The following RPS27L variants were observed in gnomAD, a reference collection of about 807,000 sequenced individuals.
RPS27L encodes ribosomal protein S27 like.
Under a neutral mutation model 12.8 loss-of-function variants are expected in RPS27L, and 10 were observed. The ratio of observed to expected loss-of-function variants is 0.78; its 90% CI spans 0.48 to 1.33. The LOEUF (loss-of-function observed/expected upper bound fraction) is 1.33, where lower values mean the gene tolerates loss of function less well. Ranked by LOEUF, RPS27L falls within the 40% of genes most tolerant of loss-of-function variation. The probability of loss-of-function intolerance (pLI) is 0.00; values close to 1 mark genes in which losing one functional copy is unlikely to be tolerated. For synonymous variants in RPS27L, 26 were observed against 32.3 expected, an observed-to-expected ratio of 0.81 and a Z score of 0.66; for missense variants, 81 against 97.4, an observed-to-expected ratio of 0.83 and a Z score of 0.71.
Position 63,148,701 on chromosome 15 carries a change from G to A in RPS27L, c.*5331C>T. ...AGTTTTGCTAGGTGTGAAAGTGAGA[G>A]TAGCCCTAGTAGTGTAGGGGGAAAG... On this transcript the variant is annotated 3_prime_UTR_variant, in exon 4 of 4. Transcript: ENST00000330964. 1 of 152,140 alleles carries A rather than the reference G, an allele frequency of 6.6e-6. No individual in the cohort carries two copies. 9.4% of individuals were successfully genotyped at this position (152,140 alleles called of 1,614,324 possible).
intron 3 of RPS27L, chr15:63,154,695 C>T (rs1415706737): frequency 1.3e-5 from 2 of 152,020 alleles, no homozygotes; most frequent in African/African-American, 4.8e-5. Context: ...TACAGCTCCC[C>T]AAAATATCAC....
Position 63,154,033 on chromosome 15 carries a change from T to C in RPS27L, c.254A>G (p.Ter85=), listed in dbSNP as rs1440823896. The change falls in exon 4 of 4, where the codon TAA becomes TGA. Residue 85 remains the stop codon, a stop_retained_variant. Transcript: ENST00000330964. ...AAATTCAGGAAGCTGTTTGAATCAT[T>C]AGTGTTGCTTTCTTCTAAATGAACA... ...EGCSFRRKQH[*] 1 of 1,606,764 alleles carries C rather than the reference T, an allele frequency of 6.2e-7. No individual in the cohort carries two copies.
rs1246327831 is a variant in RPS27L, at chr15:63,149,481, G to A, written c.*4551C>T. On this transcript the variant is annotated 3_prime_UTR_variant, in exon 4 of 4. Transcript: ENST00000330964. The stretch of plus-strand genomic sequence containing the variant: ...ACTCTGGAGGCTGAGGCAGGAGAAT[G>A]GCGTGAACCCAGGAGGAGGAGCTTG... 1 of 151,094 alleles carries A rather than the reference G, an allele frequency of 6.6e-6. No individual in the cohort carries two copies. The highest frequency in any genetic ancestry group is 6.6e-5 in the Admixed American group (1 of 15,170). 9.4% of individuals were successfully genotyped at this position (151,094 alleles called of 1,614,324 possible).
Position 63,155,695 on chromosome 15 carries a change from T to C in RPS27L, c.152A>G (p.Gln51Arg). Residue 51 changes from glutamine (Q) to arginine (R), a missense_variant, in exon 3 of 4, where the codon CAG (glutamine) becomes CGG (arginine). Physicochemically the swap from Gln to Arg is conservative, Grantham distance 43 (BLOSUM62 1). Coordinates refer to ENST00000330964, the MANE Select transcript of RPS27L (RefSeq NM_015920.4). ...YKITTVFSHA[Q>R]TVVLCVGCST... ...ACAACCTACACAAAGAACCACTGTC[T>C]GAGCATGGCTGAAAACCGTGGTGAT... 4 of 1,546,328 alleles carry C rather than the reference T, an allele frequency of 2.6e-6. No individual in the cohort carries two copies. The highest frequency in any genetic ancestry group is 2.1e-5 in the Admixed American group (1 of 47,656).
In RPS27L at chr15:63,152,584, C is replaced by T. The variant is rs2037307524; in HGVS notation, c.*1448G>A. On this transcript the variant is annotated 3_prime_UTR_variant, in exon 4 of 4. Coordinates refer to ENST00000330964, the MANE Select transcript of RPS27L (RefSeq NM_015920.4). ...TCTTGGCTCACCACAACCTCCACCT[C>T]CCAGGTTCAAGCGAATTCTCCTGCC... The T allele has an allele frequency of 6.6e-6, 1 of 151,670 alleles. No homozygotes were observed. Among genetic ancestry groups the T allele is most frequent in the Non-Finnish European group, 1.5e-5 (1 of 67,996 alleles). 9.4% of individuals were successfully genotyped at this position (151,670 alleles called of 1,614,324 possible).
rs950543643 is a variant in RPS27L at position 63,149,280 on chromosome 15, C to T, written c.*4752G>A. On this transcript the variant is annotated 3_prime_UTR_variant, in exon 4 of 4. Transcript: ENST00000330964. ...AATGCAATAATGTACTCTATTCCTTCCAAAGATTTAAGTTTTTTTCCATGG... is the reference window on the plus strand; with the variant it reads ...AATGCAATAATGTACTCTATTCCTTTCAAAGATTTAAGTTTTTTTCCATGG... The T allele has an allele frequency of 2.6e-5, 4 of 152,230 alleles. No individual in the cohort carries two copies. The highest frequency in any genetic ancestry group is 1.9e-4 in the East Asian group (1 of 5,174). 9.4% of individuals were successfully genotyped at this position (152,230 alleles called of 1,614,324 possible).
Position 63,153,810 on chromosome 15 carries a change from T to C in RPS27L, c.*222A>G, listed in dbSNP as rs72747073. Reference sequence around the variant, plus strand: ...TTCATATACACCATATATATAAATGTATGGCATACTCAAATATATTTTAAA... The same window carrying C: ...TTCATATACACCATATATATAAATGCATGGCATACTCAAATATATTTTAAA... On this transcript the variant is annotated 3_prime_UTR_variant, in exon 4 of 4. Transcript: ENST00000330964. 0.019 allele frequency: 10,169 copies of C among 538,890 alleles called. 153 individuals carry two copies. The highest frequency in any genetic ancestry group is 0.025 in the South Asian group (892 of 35,478). 33.4% of individuals were successfully genotyped at this position (538,890 alleles called of 1,614,324 possible).
rs1026603809 is a variant in RPS27L, at chr15:63,148,350, G to C, written c.*5682C>G. The C allele has an allele frequency of 1.3e-5, 2 of 151,424 alleles. No homozygotes were observed. Among genetic ancestry groups the C allele is most frequent in the African/African-American group, 4.9e-5 (2 of 41,206 alleles). The allele number at this position is 151,424 out of a possible 1,614,324, so 9.4% of individuals were successfully genotyped here. A position where few individuals can be genotyped will look rare whatever the true frequency, so the allele number is the denominator to read the frequency against. On this transcript the variant is annotated 3_prime_UTR_variant, in exon 4 of 4. Coordinates refer to ENST00000330964, the MANE Select transcript of RPS27L (RefSeq NM_015920.4). The stretch of plus-strand genomic sequence containing the variant: ...AATATGTTGGTATTTTAATTAGTTG[G>C]CTACAAATAAAGAAAAAACACAACT...
Position 63,156,447 on chromosome 15 carries a change from A to G in RPS27L, c.81T>C (p.Ser27=). The part of the protein sequence containing the change: ...KKHKKKRLVQ[S]PNSYFMDVKC... Reference sequence around the variant, plus strand: ...TTACATCCATAAAGTAAGAATTTGGACTTTGTACTAGGCGTTTCTTTTTAT... The same window carrying G: ...TTACATCCATAAAGTAAGAATTTGGGCTTTGTACTAGGCGTTTCTTTTTAT... The change falls in exon 2 of 4, where the codon AGT becomes AGC. Residue 27 remains serine, a synonymous_variant. Transcript: ENST00000330964. The G allele has an allele frequency of 6.3e-7, 1 of 1,596,422 alleles. No homozygotes were observed. Among genetic ancestry groups the G allele is most frequent in the Middle Eastern group, 1.8e-4 (1 of 5,450 alleles).
intron 1 of RPS27L, 99 bp downstream of exon 1, chr15:63,157,301 G>C (rs182444800): frequency 9.6e-5 from 130 of 1,351,140 alleles, no homozygotes; most frequent in Non-Finnish European, 1.3e-4. Flanking sequence ...CGCCACTCTC[G>C]GACACTACAG....
rs950646954 is a variant in RPS27L at position 63,149,274 on chromosome 15, T to C, written c.*4758A>G. On this transcript the variant is annotated 3_prime_UTR_variant, in exon 4 of 4. Coordinates refer to ENST00000330964, the MANE Select transcript of RPS27L (RefSeq NM_015920.4). ...TTGTAAAATGCAATAATGTACTCTATTCCTTCCAAAGATTTAAGTTTTTTT... is the reference window on the plus strand; with the variant it reads ...TTGTAAAATGCAATAATGTACTCTACTCCTTCCAAAGATTTAAGTTTTTTT... 6.6e-6 allele frequency: 1 copy of C among 152,170 alleles called. No homozygotes were observed. Among genetic ancestry groups the C allele is most frequent in the Admixed American group, 6.5e-5 (1 of 15,272 alleles). The allele number at this position is 152,170 out of a possible 1,614,324, so 9.4% of individuals were successfully genotyped here. A position where few individuals can be genotyped will look rare whatever the true frequency, so the allele number is the denominator to read the frequency against.
chr15:63,155,724 G>T lies in RPS27L; in HGVS notation c.123C>A (p.Tyr41Ter). ...CATGGCTGAAAACCGTGGTGATCTTGTAGCAACCTAAAAAAAAAAAAAGGC... is the reference window on the plus strand; with the variant it reads ...CATGGCTGAAAACCGTGGTGATCTTTTAGCAACCTAAAAAAAAAAAAAGGC... The part of the protein sequence containing the change: ...YFMDVKCPGC[Y>*]KITTVFSHAQ... Residue 41 changes from tyrosine (Y) to a stop codon, truncating the protein, a stop_gained, in exon 3 of 4, where the codon TAC becomes TAA. Transcript: ENST00000330964. LOFTEE classifies it high-confidence loss of function. 6.8e-7 allele frequency: 1 copy of T among 1,466,028 alleles called. No homozygotes were observed. Among genetic ancestry groups the T allele is most frequent in the South Asian group, 1.4e-5 (1 of 72,640 alleles). The allele number at this position is 1,466,028 out of a possible 1,614,324, so 90.8% of individuals were successfully genotyped here.
At chr15:63,154,258 A>G (rs1018032865) in intron 3 of RPS27L, 198 bp from the exon 4 acceptor site, 22 of 527,688 alleles carry the variant, frequency 4.2e-5, no homozygotes, top group Non-Finnish European at 6.4e-5. Flanking sequence ...TGGTATGACT[A>G]TAAGTGTCAC....
rs1186380863 is a variant in RPS27L at position 63,157,271 on chromosome 15, C to T, written c.6+129G>A. 6 of 1,055,526 alleles carry T rather than the reference C, an allele frequency of 5.7e-6. No individual in the cohort carries two copies. The East Asian group carries it at 1.2e-4, about 21-fold the overall frequency. 65.4% of individuals were successfully genotyped at this position (1,055,526 alleles called of 1,614,324 possible). A position where few individuals can be genotyped will look rare whatever the true frequency, so the allele number is the denominator to read the frequency against. On this transcript the variant is annotated intron_variant, in intron 1 of 3. Transcript: ENST00000330964. ...TACATGCCCGCCACGCGCGAAGACG[C>T]TGCGCAACCTGAGCCGCCTCGCCAC... is the stretch of plus-strand genomic sequence containing the variant.
Position 63,155,703 on chromosome 15 carries a change from G to A in RPS27L, c.144C>T (p.Ser48=). ...CACAAAGAACCACTGTCTGAGCATG[G>A]CTGAAAACCGTGGTGATCTTGTAGC... ...PGCYKITTVF[S]HAQTVVLCVG... The change falls in exon 3 of 4, where the codon AGC becomes AGT. Residue 48 remains serine, a synonymous_variant. Coordinates refer to ENST00000330964, the MANE Select transcript of RPS27L (RefSeq NM_015920.4). 2 of 1,530,390 alleles carry A rather than the reference G, an allele frequency of 1.3e-6. No individual in the cohort carries two copies. Among genetic ancestry groups the A allele is most frequent in the Non-Finnish European group, 1.8e-6 (2 of 1,141,324 alleles). 94.8% of individuals were successfully genotyped at this position (1,530,390 alleles called of 1,614,324 possible).
chr15:63,157,300 C>CG, intron 1 of RPS27L, 100 bp downstream of exon 1: 1 of 1,344,402 alleles, frequency 7.4e-7, no homozygotes, highest in East Asian at 2.3e-5. Context: ...TCGCCACTCT[C>CG]GGACACTACA....
chr15:63,154,678 T>C (rs1446092737), intron 3 of RPS27L: 1 of 152,210 alleles, frequency 6.6e-6, no homozygotes, highest in Non-Finnish European at 1.5e-5. Context: ...AGTGAGAGCA[T>C]GGAACTTACA....
In RPS27L at chr15:63,149,494, G is replaced by A. The variant is rs1356262872; in HGVS notation, c.*4538C>T. The A allele has an allele frequency of 2.0e-5, 3 of 150,324 alleles. No homozygotes were observed. The highest frequency in any genetic ancestry group is 4.4e-5 in the Non-Finnish European group (3 of 67,932). 9.3% of individuals were successfully genotyped at this position (150,324 alleles called of 1,614,324 possible). On this transcript the variant is annotated 3_prime_UTR_variant, in exon 4 of 4. Coordinates refer to ENST00000330964, the MANE Select transcript of RPS27L (RefSeq NM_015920.4). ...AGGCAGGAGAATGGCGTGAACCCAG[G>A]AGGAGGAGCTTGCGGTGAACTGAGA...
intron 2 of RPS27L, among the ~76,000 whole-genome samples, chr15:63,155,955 A>G (rs28479880): frequency 0.13 from 19,639 of 152,224 alleles, 1,681 homozygotes; most frequent in East Asian, 0.47. Flanking sequence ...TCATTTCAAC[A>G]TGTAATCAAT....
Sources: allele counts gnomAD v4.1 joint callset (sites outside exome capture counted in the v4.1 genomes callset), GRCh38; gene constraint gnomAD v4.1.1; transcripts MANE v1.5; gene names NCBI Gene and HGNC (gene_info 2026-07-23, HGNC 2026-07-21).